The following ADAMTSL1 variants were observed in gnomAD, a reference collection of about 807,000 sequenced individuals.
ADAMTSL1 encodes the protein ADAMTS like 1.
A neutral mutation model predicts 201.8 loss-of-function variants in ADAMTSL1; 126 were observed. That is an observed-to-expected ratio of 0.62 (90% CI 0.54 to 0.72). ADAMTSL1 has a LOEUF of 0.72. Among genes scored for constraint, ADAMTSL1 ranks in the 30% least tolerant of loss-of-function variants. ADAMTSL1 has a pLI of 0.00. For synonymous variants in ADAMTSL1, 1,121 were observed against 903.4 expected, an observed-to-expected ratio of 1.24 and a Z score of -4.32; for missense variants, 2,679 against 2,277.8, an observed-to-expected ratio of 1.18 and a Z score of -3.59.
At chr9:18,392,335 T>C (rs1165661329) in intron 2 of ADAMTSL1, among the ~76,000 whole-genome samples, 1 of 152,210 alleles carries the variant, frequency 6.6e-6, no homozygotes, top group Non-Finnish European at 1.5e-5. Context: ...CTCACTAGCC[T>C]AGCTTCATGG....
At chr9:17,929,113 G>A (rs1422948382) in intron 1 of ADAMTSL1, among the ~76,000 whole-genome samples, 2 of 152,008 alleles carry the variant, frequency 1.3e-5, no homozygotes, top group East Asian at 1.9e-4. Flanking sequence ...AAGAATAGGG[G>A]TTTCTAACCT....
chr9:18,491,226 C>T (rs544962323), intron 1 of ADAMTSL1, among the ~76,000 whole-genome samples: 2 of 152,260 alleles, frequency 1.3e-5, no homozygotes, highest in South Asian at 4.1e-4. Flanking sequence ...AAAAAAGATG[C>T]CTGTGGTGTG....
chr9:18,904,177 GTTA>G, intron 26 of ADAMTSL1, among the ~76,000 whole-genome samples: 1 of 152,188 alleles, frequency 6.6e-6, no homozygotes, highest in East Asian at 1.9e-4. Context: ...ACAATAAAAA[GTTA>G]TTTTTTGGCC....
rs145275833 is a variant in ADAMTSL1 at position 18,496,760 on chromosome 9, A to C, written c.64-8069A>C. 8.0e-3 allele frequency among the ~76,000 whole-genome samples: 1,219 copies of C among 152,330 alleles called. 14 individuals carry two copies. Among genetic ancestry groups the C allele is most frequent in the African/African-American group, 0.028 (1,156 of 41,576 alleles). The stretch of plus-strand genomic sequence containing the variant: ...TTCCAAACCCCAACATGTGCTTTCC[A>C]GAGCCTCAGATGTTTCCTTAGTTCT... On this transcript the variant is annotated intron_variant, in intron 1 of 28. Coordinates refer to ENST00000380548, the MANE Select transcript of ADAMTSL1 (RefSeq NM_001040272.6).
At chr9:18,415,347 G>A (rs1818627410) in intron 2 of ADAMTSL1, among the ~76,000 whole-genome samples, 1 of 152,112 alleles carries the variant, frequency 6.6e-6, no homozygotes, top group Non-Finnish European at 1.5e-5. Flanking sequence ...AGACATAGAA[G>A]ATGTATTTTT....
intron 2 of ADAMTSL1, among the ~76,000 whole-genome samples, chr9:18,175,548 A>G (rs1828106524): frequency 6.6e-6 from 1 of 152,186 alleles, no homozygotes; most frequent in African/African-American, 2.4e-5. Flanking sequence ...TTCTGACAAT[A>G]TCCATTTAGA....
At chr9:18,720,906 C>G (rs1447624085) in intron 14 of ADAMTSL1, among the ~76,000 whole-genome samples, 1 of 152,218 alleles carries the variant, frequency 6.6e-6, no homozygotes, top group African/African-American at 2.4e-5. Context: ...GAGTCAGGGC[C>G]TGCGGGTGTC....
chr9:18,181,621 A>G (rs915579020), intron 2 of ADAMTSL1, among the ~76,000 whole-genome samples: 8 of 152,296 alleles, frequency 5.3e-5, no homozygotes, highest in Middle Eastern at 3.4e-3. Flanking sequence ...GGCGATCATT[A>G]AAAAGTCAGG....
intron 23 of ADAMTSL1, 45 bp downstream of exon 23, chr9:18,830,022 A>G: frequency 6.4e-7 from 1 of 1,565,432 alleles, no homozygotes; most frequent in Non-Finnish European, 8.7e-7. Context: ...CCAGGACTGG[A>G]CAGGATTTAT....
At chr9:18,004,747 C>G (rs1045511021) in intron 1 of ADAMTSL1, among the ~76,000 whole-genome samples, 3 of 151,954 alleles carry the variant, frequency 2.0e-5, no homozygotes, top group African/African-American at 7.2e-5. Context: ...GAACTCAGTA[C>G]TTTTCTTGGA....
At chr9:18,618,305 G>A (rs769345711) in intron 4 of ADAMTSL1, among the ~76,000 whole-genome samples, 6 of 152,090 alleles carry the variant, frequency 3.9e-5, no homozygotes, top group Non-Finnish European at 5.9e-5. Flanking sequence ...GCAGTCTAAG[G>A]TCGCCTATCT....
At chr9:17,978,436 T>A (rs1232334894) in intron 1 of ADAMTSL1, among the ~76,000 whole-genome samples, 2 of 152,092 alleles carry the variant, frequency 1.3e-5, no homozygotes, top group African/African-American at 4.8e-5. Flanking sequence ...TCGATTTCTT[T>A]CTCTTTATTT....
chr9:18,113,065 G>A (rs1408664685), intron 1 of ADAMTSL1, among the ~76,000 whole-genome samples: 2 of 152,162 alleles, frequency 1.3e-5, no homozygotes, highest in Non-Finnish European at 2.9e-5. Flanking sequence ...GTAGGGATTA[G>A]GAGTGGGGCA....
intron 20 of ADAMTSL1, among the ~76,000 whole-genome samples, chr9:18,799,626 G>A (rs1299484298): frequency 6.6e-6 from 1 of 152,182 alleles, no homozygotes; most frequent in Non-Finnish European, 1.5e-5. Flanking sequence ...TGGGAAATGA[G>A]AATAAGATGA....
At chr9:18,252,455 G>GTA (rs1831499954) in intron 2 of ADAMTSL1, among the ~76,000 whole-genome samples, 2 of 151,522 alleles carry the variant, frequency 1.3e-5, no homozygotes, top group Admixed American at 1.3e-4. Flanking sequence ...ATATAAAATG[G>GTA]TATACTATTT....
chr9:17,920,160 C>T (rs1339404085), intron 1 of ADAMTSL1, among the ~76,000 whole-genome samples: 3 of 152,132 alleles, frequency 2.0e-5, no homozygotes, highest in African/African-American at 7.2e-5. Flanking sequence ...ATTTATGTAA[C>T]TGTTACTCTT....
intron 1 of ADAMTSL1, among the ~76,000 whole-genome samples, chr9:18,095,424 T>C (rs979213261): frequency 1.1e-3 from 138 of 127,446 alleles, no homozygotes; most frequent in Non-Finnish European, 1.6e-3. Context: ...TTCTTTTTTT[T>C]TTTTTTTTTT....
chr9:18,903,422 G>A (rs1028229292), intron 26 of ADAMTSL1, among the ~76,000 whole-genome samples: 3 of 152,178 alleles, frequency 2.0e-5, no homozygotes, highest in Non-Finnish European at 4.4e-5. Context: ...TGTTTTAAAA[G>A]TTAAGTCTCA....
intron 2 of ADAMTSL1, among the ~76,000 whole-genome samples, chr9:18,507,658 C>G (rs1357451325): frequency 6.6e-6 from 1 of 152,154 alleles, no homozygotes; most frequent in East Asian, 1.9e-4. Flanking sequence ...TGATTCAAGA[C>G]TTTTGTTTAT....
Sources: gnomAD v4.1 joint callset for allele counts (sites outside exome capture counted in the v4.1 genomes callset) on GRCh38, gnomAD v4.1.1 for gene constraint, MANE v1.5 for transcripts, NCBI Gene and HGNC (gene_info 2026-07-23, HGNC 2026-07-21) for gene names.